SPTBN5: variants seen among roughly 807,000 people sequenced by gnomAD.
SPTBN5 encodes the protein spectrin beta chain, non-erythrocytic 5.
SPTBN5 carries 513 observed loss-of-function variants against 477.6 expected under a neutral mutation model. The ratio of observed to expected loss-of-function variants is 1.07; its 90% confidence interval spans 1.00 to 1.16. SPTBN5 has a LOEUF of 1.16. Among genes scored for constraint, SPTBN5 ranks in the 50% most tolerant of loss-of-function variants. The probability of loss-of-function intolerance (pLI) is 0.00; values close to 1 mark genes in which losing one functional copy is unlikely to be tolerated. For missense variants in SPTBN5, 5,062 were observed against 4,731.8 expected (o/e 1.07, Z -2.05); for synonymous variants, 2,169 against 2,011.7 (o/e 1.08, Z -2.09).
chr15:41,852,431 C>T (rs761390216), intron 61 of SPTBN5, 115 bp from the exon 62 acceptor site: 157 of 1,398,314 alleles, frequency 1.1e-4, no homozygotes, highest in Non-Finnish European at 7.9e-5. Context: ...GCCTGCCTCC[C>T]CATCACTAGC....
At chr15:41,849,300 GC>G (rs2065667129) in intron 67 of SPTBN5, among the ~76,000 whole-genome samples, 1 of 152,220 alleles carries the variant, frequency 6.6e-6, no homozygotes, top group African/African-American at 2.4e-5. Flanking sequence ...AGAGCCTCCT[GC>G]CCCTGCACAT....
At position 41,855,353 on chromosome 15, in the gene SPTBN5, C is replaced by A. The variant is rs1213289797; in HGVS notation, c.9294G>T (p.Gly3098=). Residue 3098 remains glycine, a synonymous_variant, in exon 55 of 68, where the codon GGG becomes GGT. Transcript: ENST00000320955. ...AELLRRAEAR[G]HGLQEQLQLH... is the part of the protein sequence containing the mutation. Reference sequence around the variant, plus strand: ...GCTGCAGCTGCTCCTGCAGGCCGTGCCCCCTGGCCTCCGCCCTCCGCAGCA... The same window carrying A: ...GCTGCAGCTGCTCCTGCAGGCCGTGACCCCTGGCCTCCGCCCTCCGCAGCA... 2 of 1,605,850 alleles carry A rather than the reference C, an allele frequency of 1.2e-6. No homozygotes were observed. Among genetic ancestry groups the A allele is most frequent in the Non-Finnish European group, 1.7e-6 (2 of 1,179,646 alleles).
chr15:41,863,904 C>A lies in SPTBN5; in HGVS notation c.7034+5G>T. The A allele has an allele frequency of 6.2e-7, 1 of 1,613,744 alleles. No homozygotes were observed. Among genetic ancestry groups the A allele is most frequent in the South Asian group, 1.1e-5 (1 of 91,048 alleles). On this transcript the variant is annotated splice_donor_5th_base_variant and intron_variant, in intron 40 of 67. Transcript: ENST00000320955. Reference sequence around the variant, plus strand: ...CCCTTTGGTTCTCCCCAGCCTGGGACTGGCCTGTTGTTGAGCTGGCTTCGC... The same window carrying A: ...CCCTTTGGTTCTCCCCAGCCTGGGAATGGCCTGTTGTTGAGCTGGCTTCGC...
Position 41,853,732 on chromosome 15 carries a change from C to T in SPTBN5, c.9830G>A (p.Arg3277Gln), listed in dbSNP as rs201533652. 4.5e-5 allele frequency: 71 copies of T among 1,588,256 alleles called. No individual in the cohort carries two copies. Among genetic ancestry groups the T allele is most frequent in the Middle Eastern group, 1.7e-4 (1 of 6,044 alleles). ...EVARLQTEAC[R>Q]LGQLHPAAPG... ...AGCTGCAGGATGTAGCTGGCCCAGT[C>T]GGCAGGCCTCCGTCTGTAGCCGTGC... The change falls in exon 58 of 68, where the codon CGA becomes CAA. Residue 3277 changes from arginine to glutamine, a missense_variant. Arg to Gln is a conservative substitution (Grantham distance 43). Coordinates refer to ENST00000320955, the MANE Select transcript of SPTBN5 (RefSeq NM_016642.4).
chr15:41,876,930 G>A lies in SPTBN5; in HGVS notation c.3730C>T (p.Leu1244=). 6.2e-7 allele frequency: 1 copy of A among 1,609,134 alleles called. No homozygotes were observed. The highest frequency in any genetic ancestry group is 8.5e-7 in the Non-Finnish European group (1 of 1,179,042). Residue 1244 remains leucine (L), a synonymous_variant, in exon 19 of 68, where the codon CTG becomes TTG. Transcript: ENST00000320955. ...DNLGEDVREA[L]SLLQQHREFG... is the part of the protein sequence containing the mutation. ...TCCCGGTGCTGCTGCAGCAGGCTCA[G>A]GGCCTCCCTCACGTCCTCCTGGGAG...
rs767785857 is a variant in SPTBN5, at chr15:41,892,980, C to T, written c.298G>A (p.Glu100Lys). Reference protein sequence around the residue: ...LLRLLELISGEALPPPSRGRL... With the variant: ...LLRLLELISGKALPPPSRGRL... ...CCCCGGCTCGGGGGTGGCAGGGCCT[C>T]CCCTGAGATGAGCTCCAGCAGCCGC... Residue 100 changes from glutamate (E) to lysine (K), a missense_variant, in exon 3 of 68, where the codon GAG (glutamate) becomes AAG (lysine). By Grantham distance (56) the Glu-to-Lys change is moderately conservative. Transcript: ENST00000320955. 1.2e-5 allele frequency: 20 copies of T among 1,609,702 alleles called. No homozygotes were observed. The South Asian group carries it at 2.1e-4, about 17-fold the overall frequency.
chr15:41,892,698 G>T, intron 3 of SPTBN5, 196 bp downstream of exon 3: 1 of 571,310 alleles, frequency 1.8e-6, no homozygotes, highest in East Asian at 3.1e-5. Flanking sequence ...GGCCAGCTGG[G>T]TGCTCTCCAA....
rs780296138 is a variant in SPTBN5, at chr15:41,870,545, C to T, written c.5463G>A (p.Glu1821=). 2.5e-6 allele frequency: 4 copies of T among 1,609,338 alleles called. No homozygotes were observed. Among genetic ancestry groups the T allele is most frequent in the South Asian group, 2.2e-5 (2 of 91,020 alleles). ...RQQDLQTAWS[E]LWELTQARGH... Reference sequence around the variant, plus strand: ...CTCGGGCCTGGGTCAGCTCCCACAGCTCCGACCAGGCGGTCCTGCCCACGG... The same window carrying T: ...CTCGGGCCTGGGTCAGCTCCCACAGTTCCGACCAGGCGGTCCTGCCCACGG... Residue 1821 remains glutamate (E), a synonymous_variant, in exon 30 of 68, where the codon GAG becomes GAA. Transcript: ENST00000320955.
At chr15:41,875,149 A>G in intron 22 of SPTBN5, 93 bp from the exon 23 acceptor site, 2 of 1,221,336 alleles carry the variant, frequency 1.6e-6, no homozygotes, top group South Asian at 2.9e-5. Context: ...TTTTAGGACC[A>G]GATTCACCAG....
chr15:41,852,766 G>C, intron 60 of SPTBN5, 31 bp from the exon 61 acceptor site: 3 of 1,582,840 alleles, frequency 1.9e-6, no homozygotes, highest in Non-Finnish European at 2.6e-6. Context: ...GTGACGCCCA[G>C]CTTGGGGGGG....
At chr15:41,862,333 C>T (rs764028110) in intron 43 of SPTBN5, 41 bp from the exon 44 acceptor site, 4 of 1,556,388 alleles carry the variant, frequency 2.6e-6, no homozygotes, top group Non-Finnish European at 3.5e-6. Context: ...GGCCTTCAAA[C>T]CCCTCTCCCC....
chr15:41,883,146 TGA>T lies in SPTBN5; in HGVS notation c.1740_1741del (p.Gln581SerfsTer68). 1.9e-6 allele frequency: 3 copies of T among 1,612,788 alleles called. No homozygotes were observed. The highest frequency in any genetic ancestry group is 8.5e-7 in the Non-Finnish European group (1 of 1,179,776). On this transcript the variant is annotated frameshift_variant, in exon 9 of 68. Transcript: ENST00000320955. LOFTEE classifies it high-confidence loss of function. ...CACATGGGCTCCGTGGGCCGAGACTTGAGCCTCCAGCAGGTCATGCCTCTGCA... is the reference window on the plus strand; with the variant it reads ...CACATGGGCTCCGTGGGCCGAGACTTGCCTCCAGCAGGTCATGCCTCTGCA...
rs2067130104 is a variant in SPTBN5 at position 41,885,861 on chromosome 15, G to T, written c.1394C>A (p.Ala465Asp). 4 of 1,573,556 alleles carry T rather than the reference G, an allele frequency of 2.5e-6. No individual in the cohort carries two copies. The highest frequency in any genetic ancestry group is 1.4e-5 in the African/African-American group (1 of 74,056). Residue 465 changes from alanine to aspartate, a missense_variant, in exon 7 of 68, where the codon GCC (alanine) becomes GAC (aspartate). Physicochemically the swap from Ala to Asp is moderately radical, Grantham distance 126. Coordinates refer to ENST00000320955, the MANE Select transcript of SPTBN5 (RefSeq NM_016642.4). ...CTCCAGCATGCCCAGCCTCTGGACG[G>T]CTGCCTCCACTGTGGCCAGGCTGGC... ...PPASLATVEA[A>D]VQRLGMLEAG...
chr15:41,851,763 A>C lies in SPTBN5; in HGVS notation c.10656+16T>G. On this transcript the variant is annotated intron_variant, in intron 63 of 67. Transcript: ENST00000320955. ...AAGTGGGGAGCTGCCTGGAGAAGGA[A>C]TCTCCAGGCACTCACCTGCCTCCCG... 2 of 1,585,710 alleles carry C rather than the reference A, an allele frequency of 1.3e-6. No homozygotes were observed. Among genetic ancestry groups the C allele is most frequent in the African/African-American group, 2.7e-5 (2 of 74,396 alleles).
intron 58 of SPTBN5, 52 bp downstream of exon 58, chr15:41,853,530 A>C (rs1595442312): frequency 1.3e-6 from 2 of 1,539,146 alleles, no homozygotes; most frequent in Non-Finnish European, 1.8e-6. Flanking sequence ...GAGCCAGGAT[A>C]CCCCCACCCC....
intron 9 of SPTBN5, 47 bp from the exon 10 acceptor site, chr15:41,882,785 A>C: frequency 6.3e-7 from 1 of 1,582,826 alleles, no homozygotes. Flanking sequence ...GTCGTGAGGC[A>C]TGGGCAGTGG....
At chr15:41,871,961 C>G in intron 27 of SPTBN5, 44 bp from the exon 28 acceptor site, 1 of 1,482,144 alleles carries the variant, frequency 6.7e-7, no homozygotes, top group South Asian at 1.4e-5. Flanking sequence ...GTTGCCCACC[C>G]CCCTGGGGGC....
At chr15:41,856,338 C>T (rs1312914759) in intron 53 of SPTBN5, 48 bp downstream of exon 53, 1 of 1,473,706 alleles carries the variant, frequency 6.8e-7, no homozygotes, top group East Asian at 2.5e-5. Context: ...CCGCACTCGC[C>T]CTGTGTTCCA....
At chr15:41,848,652 T>C (rs1469253023) in intron 67 of SPTBN5, 24 bp from the exon 68 acceptor site, 1 of 1,613,694 alleles carries the variant, frequency 6.2e-7, no homozygotes, top group Non-Finnish European at 8.5e-7. Flanking sequence ...GGAATGAATT[T>C]AGTAGGGTAT....
Sources: gnomAD v4.1 joint callset for allele counts (sites outside exome capture counted in the v4.1 genomes callset) on GRCh38, gnomAD v4.1.1 for gene constraint, MANE v1.5 for transcripts, NCBI Gene and HGNC (gene_info 2026-07-23, HGNC 2026-07-21) for gene names.